VPS13C: variants seen among roughly 807,000 people sequenced by gnomAD.
The protein encoded by VPS13C is intermembrane lipid transfer protein VPS13C.
VPS13C carries 358 observed loss-of-function variants against 456.8 expected under a neutral mutation model. That is an observed-to-expected ratio of 0.78 (90% CI 0.72 to 0.86). VPS13C has a LOEUF of 0.86. Ranked by LOEUF, VPS13C falls within the 40% of genes least tolerant of loss-of-function variation. The probability of loss-of-function intolerance (pLI) is 0.00; values close to 1 mark genes in which losing one functional copy is unlikely to be tolerated. For synonymous variants in VPS13C, 1,578 were observed against 1,486.7 expected (o/e 1.06, Z -1.41); for missense variants, 4,818 against 4,385.4 (o/e 1.10, Z -2.79).
chr15:61,890,326 T>C lies in VPS13C; in HGVS notation c.9180A>G (p.Arg3060=). ...CAACATCATCGGTGAAAAGCAAAAC[T>C]CTCTGGCGCCCATCCAGAAATGATA... is the stretch of plus-strand genomic sequence containing the variant. ...HWVSFLDGRQ[R]VLLFTDDVAL... The change falls in exon 67 of 85, where the codon AGA becomes AGG. Residue 3060 remains arginine, a synonymous_variant. Coordinates refer to ENST00000644861, the MANE Select transcript of VPS13C (RefSeq NM_020821.3). The C allele has an allele frequency of 6.2e-7, 1 of 1,614,002 alleles. No homozygotes were observed. Among genetic ancestry groups the C allele is most frequent in the Non-Finnish European group, 8.5e-7 (1 of 1,179,988 alleles).
At chr15:62,031,968 T>C (rs187192174) in intron 5 of VPS13C, among the ~76,000 whole-genome samples, 1 of 151,962 alleles carries the variant, frequency 6.6e-6, no homozygotes, top group African/African-American at 2.4e-5. Flanking sequence ...CACTAACATA[T>C]TTTTAGGCAA....
At chr15:61,947,540 T>C (rs2044648200) in intron 42 of VPS13C, among the ~76,000 whole-genome samples, 1 of 151,946 alleles carries the variant, frequency 6.6e-6, no homozygotes, top group Non-Finnish European at 1.5e-5. Flanking sequence ...ATAATATTAA[T>C]AGCACCTTGA....
At chr15:61,910,981 TTC>T (rs2140145706) in intron 63 of VPS13C, among the ~76,000 whole-genome samples, 1 of 152,312 alleles carries the variant, frequency 6.6e-6, no homozygotes, top group Non-Finnish European at 1.5e-5. Flanking sequence ...ATGGAGATCA[TTC>T]TAAGTGCCTT....
intron 66 of VPS13C, among the ~76,000 whole-genome samples, chr15:61,894,413 C>A (rs1471190981): frequency 6.6e-6 from 1 of 151,302 alleles, no homozygotes; most frequent in Admixed American, 6.6e-5. Flanking sequence ...AGACTAAATT[C>A]TTCAATTAAT....
intron 82 of VPS13C, among the ~76,000 whole-genome samples, chr15:61,859,253 G>A (rs540191899): frequency 4.6e-5 from 7 of 151,946 alleles, no homozygotes; most frequent in Non-Finnish European, 8.8e-5. Flanking sequence ...TACCAAGTAT[G>A]CAAGAGGCCA....
At chr15:61,938,801 G>T (rs2044317463) in intron 47 of VPS13C, among the ~76,000 whole-genome samples, 1 of 152,188 alleles carries the variant, frequency 6.6e-6, no homozygotes, top group South Asian at 2.1e-4. Flanking sequence ...AGCCCCGTGT[G>T]TACTTCTCTG....
intron 67 of VPS13C, among the ~76,000 whole-genome samples, chr15:61,885,112 A>C (rs1215897342): frequency 6.6e-6 from 1 of 152,032 alleles, no homozygotes; most frequent in South Asian, 2.1e-4. Context: ...ATACATGTGG[A>C]AGTGGAGATT....
chr15:61,863,501 T>C lies in VPS13C; in HGVS notation c.10891A>G (p.Thr3631Ala). ...GGAATAGCACAGTGGTATCGGTAAGTCTCTCCTTCCAACTTTTTGATATGA... is the reference window on the plus strand; with the variant it reads ...GGAATAGCACAGTGGTATCGGTAAGCCTCTCCTTCCAACTTTTTGATATGA... ...ENHIKKLEGETYRYHCAIPGS... is the reference protein window; with the variant it reads ...ENHIKKLEGEAYRYHCAIPGS... The change falls in exon 82 of 85, where the codon ACT becomes GCT. Residue 3631 changes from threonine to alanine, a missense_variant. Around this residue, in one of 3 missense-constraint regions of VPS13C, gnomAD observed 261 missense variants for 234.1 expected, o/e 1.11. Coordinates refer to ENST00000644861, the MANE Select transcript of VPS13C (RefSeq NM_020821.3). 1 of 1,612,898 alleles carries C rather than the reference T, an allele frequency of 6.2e-7. No individual in the cohort carries two copies. The highest frequency in any genetic ancestry group is 8.5e-7 in the Non-Finnish European group (1 of 1,179,222).
At chr15:62,058,644 C>A (rs74792350) in intron 1 of VPS13C, among the ~76,000 whole-genome samples, 1,612 of 149,872 alleles carry the variant, frequency 0.011, 37 homozygotes, top group African/African-American at 0.039. Flanking sequence ...ACTTGAGCAA[C>A]CTCCAATTTT....
chr15:61,890,233 G>A lies in VPS13C; in HGVS notation c.9273C>T (p.Leu3091=). 1 of 1,614,036 alleles carries A rather than the reference G, an allele frequency of 6.2e-7. No homozygotes were observed. Among genetic ancestry groups the A allele is most frequent in the Non-Finnish European group, 8.5e-7 (1 of 1,179,996 alleles). ...EQADYEITLS[L]HSLGLSLVNN... is the part of the protein sequence containing the mutation. ...TAACCAGTGAAAGCCCAAGACTGTG[G>A]AGAGACAAGGTTATTTCATAATCAG... The change falls in exon 67 of 85, where the codon CTC becomes CTT. Residue 3091 remains leucine, a synonymous_variant. Transcript: ENST00000644861.
At chr15:61,895,996 G>C (rs911213239) in intron 66 of VPS13C, among the ~76,000 whole-genome samples, 1 of 152,104 alleles carries the variant, frequency 6.6e-6, no homozygotes, top group African/African-American at 2.4e-5. Context: ...AAATATTTGA[G>C]ATATGAATAT....
At chr15:61,869,153 T>C (rs1894821698) in intron 80 of VPS13C, among the ~76,000 whole-genome samples, 1 of 148,932 alleles carries the variant, frequency 6.7e-6, no homozygotes, top group Non-Finnish European at 1.5e-5. Context: ...AGTCTCCCTC[T>C]GTTGCCCAGG....
At chr15:61,898,602 G>C (rs1363361038) in intron 66 of VPS13C, among the ~76,000 whole-genome samples, 1 of 150,822 alleles carries the variant, frequency 6.6e-6, no homozygotes, top group Non-Finnish European at 1.5e-5. Flanking sequence ...GATTCATAAA[G>C]CAAGTCCTGA....
At chr15:61,881,076 T>TG in intron 71 of VPS13C, 122 bp from the exon 72 acceptor site, 1 of 771,442 alleles carries the variant, frequency 1.3e-6, no homozygotes. Flanking sequence ...CTAAAAATTA[T>TG]GTTAATAAGA....
rs770683009 is a variant in VPS13C, at chr15:61,972,610, C to CA, written c.2757+14dup. The CA allele has an allele frequency of 1.9e-6, 3 of 1,610,408 alleles. No homozygotes were observed. Among genetic ancestry groups the CA allele is most frequent in the East Asian group, 2.2e-5 (1 of 44,796 alleles). On this transcript the variant is annotated intron_variant, in intron 27 of 84. Coordinates refer to ENST00000644861, the MANE Select transcript of VPS13C (RefSeq NM_020821.3). ...CAGCCAGAATATATCTATTTATAGA[C>CA]AAAAAAGCACATACTTCTTTAATTT...
At chr15:62,030,743 G>A (rs998231404) in intron 5 of VPS13C, among the ~76,000 whole-genome samples, 6 of 151,982 alleles carry the variant, frequency 3.9e-5, no homozygotes, top group African/African-American at 1.2e-4. Flanking sequence ...AGTAAACTCC[G>A]TGACTACCAT....
intron 4 of VPS13C, among the ~76,000 whole-genome samples, chr15:62,034,374 T>C (rs1691486488): frequency 6.6e-6 from 1 of 151,748 alleles, no homozygotes. Flanking sequence ...AAATTGTAAG[T>C]AATTTTTCCC....
intron 81 of VPS13C, chr15:61,864,479 A>G (rs2046453169): frequency 8.5e-6 from 7 of 819,340 alleles, no homozygotes; most frequent in Non-Finnish European, 8.8e-6. Flanking sequence ...GAAAATACAG[A>G]ACATAAATAT....
chr15:62,008,109 G>C (rs1444758347), intron 14 of VPS13C, among the ~76,000 whole-genome samples: 5 of 152,144 alleles, frequency 3.3e-5, no homozygotes, highest in African/African-American at 9.7e-5. Context: ...GTGGGTGCCT[G>C]TAATCTCAGC....
Sources: gnomAD v4.1 joint callset for allele counts (sites outside exome capture counted in the v4.1 genomes callset) on GRCh38, gnomAD v4.1.1 for gene constraint, gnomAD v4.1.1 regional missense constraint, MANE v1.5 for transcripts, NCBI Gene and HGNC (gene_info 2026-07-23, HGNC 2026-07-21) for gene names.